The following CDK5RAP1 variants were observed in gnomAD, a reference collection of about 807,000 sequenced individuals.
CDK5RAP1 encodes CDK5RAP1 mitochondrial tRNA methylthiotransferase.
A neutral mutation model predicts 64.5 loss-of-function variants in CDK5RAP1; 62 were observed. That is an observed-to-expected ratio of 0.96 (90% CI 0.78 to 1.19). The LOEUF is 1.19. Among genes scored for constraint, CDK5RAP1 ranks in the 50% most tolerant of loss-of-function variants. CDK5RAP1 has a pLI of 0.00. For missense variants in CDK5RAP1, 657 were observed against 735.0 expected, an observed-to-expected ratio of 0.89 and a Z score of 1.23; for synonymous variants, 250 against 261.9, an observed-to-expected ratio of 0.95 and a Z score of 0.44.
chr20:33,372,652 T>G lies in CDK5RAP1; in HGVS notation c.1251A>C (p.Glu417Asp). 1 of 1,538,286 alleles carries G rather than the reference T, an allele frequency of 6.5e-7. No individual in the cohort carries two copies. Among genetic ancestry groups the G allele is most frequent in the Admixed American group, 2.2e-5 (1 of 44,840 alleles). Residue 417 changes from glutamate to aspartate, a missense_variant, in exon 10 of 14, where the codon GAA becomes GAC. Physicochemically the swap from Glu to Asp is conservative, Grantham distance 45. Transcript: ENST00000346416. ...GTTTCTTAAATGTACCTGGAATAGA[T>G]TCTCTAATATGGTGAACTAACTCCA... ...AYVELVHHIR[E>D]SIPGVSLSSD... is the part of the protein sequence containing the mutation.
chr20:33,376,913 T>C (rs1199064489), intron 8 of CDK5RAP1, among the ~76,000 whole-genome samples: 1 of 152,214 alleles, frequency 6.6e-6, no homozygotes, highest in Non-Finnish European at 1.5e-5. Context: ...ATGGATGATT[T>C]TGAGGGGCTC....
At chr20:33,363,969 C>A (rs1568677678) in intron 12 of CDK5RAP1, among the ~76,000 whole-genome samples, 2 of 151,272 alleles carry the variant, frequency 1.3e-5, no homozygotes, top group South Asian at 2.1e-4. Context: ...TTGAAAAAAA[C>A]CAAGTGTAAA....
chr20:33,385,519 A>G, intron 7 of CDK5RAP1, 131 bp downstream of exon 7: 1 of 1,006,754 alleles, frequency 9.9e-7, no homozygotes, highest in Non-Finnish European at 1.5e-6. Flanking sequence ...TGTACACAAA[A>G]GTAGTTCTTT....
intron 8 of CDK5RAP1, among the ~76,000 whole-genome samples, chr20:33,377,871 A>G (rs1986218234): frequency 6.6e-6 from 1 of 152,182 alleles, no homozygotes; most frequent in African/African-American, 2.4e-5. Context: ...AGGCTGATCT[A>G]GAACTCCTGA....
At chr20:33,363,135 C>A (rs1167303605) in intron 12 of CDK5RAP1, among the ~76,000 whole-genome samples, 2 of 152,182 alleles carry the variant, frequency 1.3e-5, no homozygotes, top group Non-Finnish European at 2.9e-5. Flanking sequence ...CCAAAGAATG[C>A]ATAACCTGAA....
intron 12 of CDK5RAP1, among the ~76,000 whole-genome samples, chr20:33,365,358 G>A (rs1342654923): frequency 4.6e-5 from 7 of 151,426 alleles, no homozygotes; most frequent in South Asian, 2.1e-4. Flanking sequence ...TGCAACCTCC[G>A]CCTCCCAGGT....
At chr20:33,375,401 C>CAAAAAA (rs200212971) in intron 8 of CDK5RAP1, among the ~76,000 whole-genome samples, 5 of 57,442 alleles carry the variant, frequency 8.7e-5, no homozygotes, top group Admixed American at 1.9e-4. Context: ...GACTCCATCT[C>CAAAAAA]AAAAAAAAAA....
chr20:33,395,558 C>T, intron 2 of CDK5RAP1, among the ~76,000 whole-genome samples: 1 of 152,006 alleles, frequency 6.6e-6, no homozygotes, highest in East Asian at 1.9e-4. Flanking sequence ...CATGATCACA[C>T]CACTGCACTC....
At chr20:33,393,886 A>G (rs1988608041) in intron 4 of CDK5RAP1, 146 bp downstream of exon 4, 1 of 670,398 alleles carries the variant, frequency 1.5e-6, no homozygotes, top group South Asian at 1.7e-5. Flanking sequence ...CCAGTTGTAT[A>G]AAGACTATCT....
chr20:33,376,733 C>G (rs933594980), intron 8 of CDK5RAP1, among the ~76,000 whole-genome samples: 2 of 152,088 alleles, frequency 1.3e-5, no homozygotes, highest in African/African-American at 4.8e-5. Context: ...TTTCATAAAG[C>G]TATAGCTGTC....
rs752665182 is a variant in CDK5RAP1 at position 33,394,044 on chromosome 20, G to A, written c.431C>T (p.Thr144Ile). The change falls in exon 4 of 14, where the codon ACA (threonine) becomes ATA (isoleucine). Residue 144 changes from threonine (T) to isoleucine (I), a missense_variant. By Grantham distance (89) the Thr-to-Ile change is moderately conservative (BLOSUM62 -1). Coordinates refer to ENST00000346416, the MANE Select transcript of CDK5RAP1 (RefSeq NM_016408.4). Reference sequence around the variant, plus strand: ...AACAAATTCGCACCTGATAGAGCATGTGACAAGGAGAATCACATCTGCCTG... The same window carrying A: ...AACAAATTCGCACCTGATAGAGCATATGACAAGGAGAATCACATCTGCCTG... ...LQEADVILLVTCSIREKAEQT... is the reference protein window; with the variant it reads ...LQEADVILLVICSIREKAEQT... 7 of 1,594,692 alleles carry A rather than the reference G, an allele frequency of 4.4e-6. No homozygotes were observed. The highest frequency in any genetic ancestry group is 1.3e-5 in the African/African-American group (1 of 74,616).
intron 12 of CDK5RAP1, among the ~76,000 whole-genome samples, chr20:33,364,221 C>T (rs537222770): frequency 1.9e-4 from 27 of 141,308 alleles, no homozygotes; most frequent in African/African-American, 6.8e-4. Flanking sequence ...TGGAGTCTCG[C>T]TGTGTGACCC....
intron 7 of CDK5RAP1, among the ~76,000 whole-genome samples, chr20:33,382,979 GAGACTAA>G (rs1986958802): frequency 6.6e-6 from 1 of 151,940 alleles, no homozygotes; most frequent in African/African-American, 2.4e-5. Context: ...TCAGGAGTTT[GAGACTAA>G]GCCTGGCCAA....
intron 8 of CDK5RAP1, among the ~76,000 whole-genome samples, chr20:33,378,392 T>C (rs890547513): frequency 5.9e-5 from 9 of 152,118 alleles, no homozygotes; most frequent in African/African-American, 1.9e-4. Context: ...ATTTTAAGAA[T>C]AACATTAAAT....
intron 8 of CDK5RAP1, among the ~76,000 whole-genome samples, chr20:33,377,968 C>T (rs1422378889): frequency 6.6e-6 from 1 of 152,160 alleles, no homozygotes; most frequent in African/African-American, 2.4e-5. Context: ...CCATCACACC[C>T]GGCCAAAGAG....
intron 12 of CDK5RAP1, among the ~76,000 whole-genome samples, chr20:33,361,869 T>C (rs1161960689): frequency 3.4e-5 from 5 of 146,158 alleles, no homozygotes. Context: ...GGCAGGAGAA[T>C]CGCTTAAACC....
At chr20:33,388,293 T>TA (rs948851604) in intron 5 of CDK5RAP1, among the ~76,000 whole-genome samples, 1 of 152,072 alleles carries the variant, frequency 6.6e-6, no homozygotes, top group African/African-American at 2.4e-5. Context: ...TCCATATCCT[T>TA]AAAAAAATTA....
chr20:33,400,682 G>C (rs1205745280), intron 1 of CDK5RAP1, among the ~76,000 whole-genome samples: 1 of 152,098 alleles, frequency 6.6e-6, no homozygotes, highest in Non-Finnish European at 1.5e-5. Context: ...GGGTGTGGTG[G>C]TATGCGCCTG....
intron 4 of CDK5RAP1, among the ~76,000 whole-genome samples, chr20:33,393,707 A>G (rs1988590641): frequency 6.6e-6 from 1 of 152,206 alleles, no homozygotes; most frequent in Non-Finnish European, 1.5e-5. Flanking sequence ...AACATATGCC[A>G]TTAGTTACAA....
Sources: gnomAD v4.1 joint callset for allele counts (sites outside exome capture counted in the v4.1 genomes callset) on GRCh38, gnomAD v4.1.1 for gene constraint, MANE v1.5 for transcripts, NCBI Gene and HGNC (gene_info 2026-07-23, HGNC 2026-07-21) for gene names.